The following MAPKAPK2 variants were observed in gnomAD, a reference collection of about 807,000 sequenced individuals.
The protein encoded by MAPKAPK2 is MAP kinase-activated protein kinase 2.
MAPKAPK2 carries 9 observed loss-of-function variants against 48.8 expected under a neutral mutation model. The ratio of observed to expected loss-of-function variants is 0.18; its 90% CI spans 0.11 to 0.32. The LOEUF is 0.32. Among genes scored for constraint, MAPKAPK2 ranks in the 10% least tolerant of loss-of-function variants. MAPKAPK2 has a pLI of 1.00. For synonymous variants in MAPKAPK2, 202 were observed against 190.6 expected (o/e 1.06, Z -0.49); for missense variants, 331 against 498.3 (o/e 0.66, Z 3.20).
At chr1:206,730,888 T>G in intron 6 of MAPKAPK2, 125 bp downstream of exon 6, 1 of 1,065,264 alleles carries the variant, frequency 9.4e-7, no homozygotes, top group Non-Finnish European at 1.4e-6. Context: ...TGCGTGCCCC[T>G]TCTCTCAGTT....
chr1:206,706,754 C>T (rs1386096248), intron 1 of MAPKAPK2, among the ~76,000 whole-genome samples: 1 of 152,146 alleles, frequency 6.6e-6, no homozygotes, highest in African/African-American at 2.4e-5. Flanking sequence ...TTTTTCTTGC[C>T]CGTGGGTGGG....
At chr1:206,730,374 C>T (rs1673864395) in intron 5 of MAPKAPK2, among the ~76,000 whole-genome samples, 1 of 152,220 alleles carries the variant, frequency 6.6e-6, no homozygotes, top group African/African-American at 2.4e-5. Flanking sequence ...GTTCTGGAGC[C>T]ACAGCTGATT....
intron 1 of MAPKAPK2, among the ~76,000 whole-genome samples, chr1:206,726,539 G>A (rs1032545210): frequency 6.6e-6 from 1 of 152,240 alleles, no homozygotes; most frequent in African/African-American, 2.4e-5. Flanking sequence ...GGGAGAGACC[G>A]AGTTATCTAG....
chr1:206,726,730 A>T (rs553196225), intron 1 of MAPKAPK2, among the ~76,000 whole-genome samples: 1 of 152,354 alleles, frequency 6.6e-6, no homozygotes, highest in South Asian at 2.1e-4. Context: ...AGCCTTGGGC[A>T]TGCTACTTCT....
chr1:206,699,850 C>T (rs985445040), intron 1 of MAPKAPK2, among the ~76,000 whole-genome samples: 3 of 152,106 alleles, frequency 2.0e-5, no homozygotes, highest in Non-Finnish European at 4.4e-5. Flanking sequence ...GAAAGTGAAG[C>T]AATGGGTCGG....
intron 1 of MAPKAPK2, among the ~76,000 whole-genome samples, chr1:206,703,207 G>A (rs782725279): frequency 1.3e-5 from 2 of 152,220 alleles, no homozygotes; most frequent in Admixed American, 6.5e-5. Context: ...CAGACAGGAC[G>A]TGAGGTTTGG....
intron 1 of MAPKAPK2, among the ~76,000 whole-genome samples, chr1:206,700,627 G>T (rs1553427778): frequency 6.6e-6 from 1 of 152,122 alleles, no homozygotes; most frequent in Non-Finnish European, 1.5e-5. Flanking sequence ...GCTATAGCTG[G>T]GCAAGAAGCC....
chr1:206,696,925 A>G (rs965556324), intron 1 of MAPKAPK2, among the ~76,000 whole-genome samples: 6 of 152,080 alleles, frequency 3.9e-5, no homozygotes, highest in East Asian at 3.9e-4. Context: ...GATCTCTCAC[A>G]TTGTCTGTTC....
intron 1 of MAPKAPK2, among the ~76,000 whole-genome samples, chr1:206,708,991 T>A (rs1673053107): frequency 6.6e-6 from 1 of 152,262 alleles, no homozygotes; most frequent in Admixed American, 6.5e-5. Flanking sequence ...CATTCCCCTG[T>A]TGATGGACAT....
intron 1 of MAPKAPK2, among the ~76,000 whole-genome samples, chr1:206,710,790 G>C (rs541103809): frequency 6.6e-6 from 1 of 152,324 alleles, no homozygotes; most frequent in South Asian, 2.1e-4. Flanking sequence ...AATTTGCAAA[G>C]GCATATGAAA....
chr1:206,729,922 C>T (rs782699935), intron 4 of MAPKAPK2, 50 bp from the exon 5 acceptor site: 1 of 1,611,260 alleles, frequency 6.2e-7, no homozygotes, highest in Non-Finnish European at 8.5e-7. Context: ...TTTCTGATAG[C>T]CCCTCCCAGG....
At chr1:206,711,607 C>CTTTTTT (rs781793889) in intron 1 of MAPKAPK2, among the ~76,000 whole-genome samples, 22 of 115,488 alleles carry the variant, frequency 1.9e-4, no homozygotes, top group East Asian at 2.6e-4. Flanking sequence ...CTACCTCATT[C>CTTTTTT]TTTTTTTTTT....
intron 1 of MAPKAPK2, among the ~76,000 whole-genome samples, chr1:206,696,536 C>G (rs1387595898): frequency 6.6e-6 from 1 of 152,060 alleles, no homozygotes. Flanking sequence ...GACCCCATCT[C>G]TACAAAAAAT....
intron 2 of MAPKAPK2, 54 bp downstream of exon 2, chr1:206,728,903 G>A: frequency 6.2e-7 from 1 of 1,612,044 alleles, no homozygotes; most frequent in South Asian, 1.1e-5. Flanking sequence ...CCTCACTCAG[G>A]CACCTTACCC....
At chr1:206,723,121 A>T (rs1406696378) in intron 1 of MAPKAPK2, among the ~76,000 whole-genome samples, 1 of 152,276 alleles carries the variant, frequency 6.6e-6, no homozygotes, top group Admixed American at 6.5e-5. Flanking sequence ...CTCTCATTAC[A>T]TGCGCCCAGC....
Position 206,731,271 on chromosome 1 carries a change from C to G in MAPKAPK2, c.892+9C>G. 6.2e-7 allele frequency: 1 copy of G among 1,614,078 alleles called. No homozygotes were observed. Among genetic ancestry groups the G allele is most frequent in the Non-Finnish European group, 8.5e-7 (1 of 1,180,020 alleles). Reference sequence around the variant, plus strand: ...AGAAGTATCAGAGGAAGGTAAGAACCCAGGCTTTCAGGACAAGGGGAAGAG... The same window carrying G: ...AGAAGTATCAGAGGAAGGTAAGAACGCAGGCTTTCAGGACAAGGGGAAGAG... On this transcript the variant is annotated intron_variant, in intron 7 of 9. Transcript: ENST00000367103. This position sits in a 1 kb window ranked among gnomAD's most constrained non-coding sequence, Gnocchi z 5.9.
At chr1:206,700,003 C>CTTT (rs574216957) in intron 1 of MAPKAPK2, among the ~76,000 whole-genome samples, 36 of 126,316 alleles carry the variant, frequency 2.8e-4, no homozygotes, top group African/African-American at 8.4e-4. Flanking sequence ...CTTCTTCTTA[C>CTTT]TTTTTTTTTT....
Position 206,685,329 on chromosome 1 carries a change from C to G in MAPKAPK2, c.100C>G (p.Gln34Glu), listed in dbSNP as rs1553425374. 9 of 1,435,562 alleles carry G rather than the reference C, an allele frequency of 6.3e-6. No individual in the cohort carries two copies. The South Asian group carries it at 1.1e-4, about 18-fold the overall frequency. The allele number at this position is 1,435,562 out of a possible 1,614,324, so 88.9% of individuals were successfully genotyped here. The change falls in exon 1 of 10, where the codon CAG becomes GAG. Residue 34 changes from glutamine to glutamate, a missense_variant. By Grantham distance (29) the Gln-to-Glu change is conservative. Coordinates refer to ENST00000367103, the MANE Select transcript of MAPKAPK2 (RefSeq NM_032960.4). Reference sequence around the variant, plus strand: ...CCCTGCCCTGCCGCACCCCCCGGCGCAGCCGCCGCCGCCGCCCCCGCAGCA... The same window carrying G: ...CCCTGCCCTGCCGCACCCCCCGGCGGAGCCGCCGCCGCCGCCCCCGCAGCA... ...PTPALPHPPA[Q>E]PPPPPPQQFP...
rs1424297313 is a variant in MAPKAPK2 at position 206,691,504 on chromosome 1, T to TATATATATAC, written c.279+5997_279+5998insTATATATACA. Among the ~76,000 whole-genome samples the TATATATATAC allele has an allele frequency of 2.7e-3, 297 of 111,004 alleles. 7 individuals carry two copies. The highest frequency in any genetic ancestry group is 5.2e-3 in the Admixed American group (59 of 11,316). 72.8% of individuals were successfully genotyped at this position (111,004 alleles called of 152,430 possible). A position where few individuals can be genotyped will look rare whatever the true frequency, so the allele number is the denominator to read the frequency against. ...TAAGATATATATATATATATATATA[T>TATATATATAC]ACACACATACACAGATATAGATATG... On this transcript the variant is annotated intron_variant, in intron 1 of 9. Coordinates refer to ENST00000367103, the MANE Select transcript of MAPKAPK2 (RefSeq NM_032960.4).
Sources: gnomAD v4.1 joint callset for allele counts (sites outside exome capture counted in the v4.1 genomes callset) on GRCh38, gnomAD v4.1.1 for gene constraint, Gnocchi (gnomAD v3.1) non-coding constraint, MANE v1.5 for transcripts, NCBI Gene and HGNC (gene_info 2026-07-23, HGNC 2026-07-21) for gene names.